PKP4: variants seen among roughly 807,000 people sequenced by gnomAD.
PKP4 encodes plakophilin-4.
In PKP4, 90 loss-of-function variants were observed where a neutral mutation model predicts 145.1. The observed-to-expected ratio is 0.62, with a 90% CI of 0.52 to 0.74. The LOEUF (loss-of-function observed/expected upper bound fraction) is 0.74. Among genes scored for constraint, PKP4 ranks in the 30% least tolerant of loss-of-function variants. The pLI, the probability that PKP4 is intolerant of heterozygous loss-of-function variation, is 0.00. For synonymous variants in PKP4, 563 were observed against 577.2 expected (o/e 0.98, Z 0.35); for missense variants, 1,340 against 1,482.7 (o/e 0.90, Z 1.58).
At chr2:158,661,220 C>A in intron 12 of PKP4, 113 bp from the exon 13 acceptor site, 2 of 725,268 alleles carry the variant, frequency 2.8e-6, no homozygotes, top group Non-Finnish European at 4.9e-6. Flanking sequence ...CCTCCTCCGA[C>A]CTCTAAGTGG....
At chr2:158,619,223 A>G in intron 4 of PKP4, among the ~76,000 whole-genome samples, 1 of 152,260 alleles carries the variant, frequency 6.6e-6, no homozygotes, top group Non-Finnish European at 1.5e-5. Context: ...TCATGATAGA[A>G]GATGTACAAG....
chr2:158,565,478 A>C (rs2046896187), intron 2 of PKP4, among the ~76,000 whole-genome samples: 1 of 147,958 alleles, frequency 6.8e-6, no homozygotes, highest in African/African-American at 2.5e-5. Context: ...GATCTAACAC[A>C]AGTAAGAAGT....
intron 3 of PKP4, among the ~76,000 whole-genome samples, chr2:158,597,114 T>C (rs1463387275): frequency 6.6e-6 from 1 of 152,198 alleles, no homozygotes; most frequent in African/African-American, 2.4e-5. Context: ...TCCTCTCTTG[T>C]AGAATGCTCT....
intron 8 of PKP4, among the ~76,000 whole-genome samples, chr2:158,633,602 A>G (rs377239942): frequency 5.3e-4 from 80 of 152,370 alleles, no homozygotes; most frequent in African/African-American, 1.7e-3. Flanking sequence ...AACTGAAACC[A>G]TGGAAAGCAA....
intron 2 of PKP4, among the ~76,000 whole-genome samples, chr2:158,563,066 A>C (rs191883766): frequency 6.6e-6 from 1 of 152,302 alleles, no homozygotes; most frequent in Admixed American, 6.5e-5. Flanking sequence ...ATACAGTAGA[A>C]TCTATTAAAG....
At position 158,593,891 on chromosome 2, in the gene PKP4, A is replaced by G. The variant is rs887841572; in HGVS notation, c.246-9179A>G. 3.3e-5 allele frequency among the ~76,000 whole-genome samples: 5 copies of G among 152,334 alleles called. No individual in the cohort carries two copies. In the East Asian group the frequency reaches 9.6e-4, roughly 29 times the overall value. On this transcript the variant is annotated intron_variant, in intron 3 of 21. Transcript: ENST00000389759. ...TGTTCACCACAGTAGCTGGGCATAC[A>G]TTTTACTCAAACTTGCTAGCAGCCA...
Position 158,543,860 on chromosome 2 carries a change from T to C in PKP4, c.132+10544T>C, listed in dbSNP as rs149362690. On this transcript the variant is annotated intron_variant, in intron 2 of 21. Coordinates refer to ENST00000389759, the MANE Select transcript of PKP4 (RefSeq NM_003628.6). Reference sequence around the variant, plus strand: ...TTACCCAGAAAAGCAAGGTAGAATTTTGTTGTTAGAATAATAATTAGTGTT... The same window carrying C: ...TTACCCAGAAAAGCAAGGTAGAATTCTGTTGTTAGAATAATAATTAGTGTT... Among the ~76,000 whole-genome samples, 67 of 152,208 alleles carry C rather than the reference T, an allele frequency of 4.4e-4. 1 individual carries two copies. Among genetic ancestry groups the C allele is most frequent in the African/African-American group, 1.4e-3 (60 of 41,532 alleles).
chr2:158,657,647 G>A (rs1166780978), intron 11 of PKP4, among the ~76,000 whole-genome samples: 1 of 152,182 alleles, frequency 6.6e-6, no homozygotes, highest in African/African-American at 2.4e-5. Context: ...AGAAAAGGAA[G>A]CAGATGAAGA....
At chr2:158,516,830 T>A (rs2041977558) in intron 1 of PKP4, among the ~76,000 whole-genome samples, 1 of 151,882 alleles carries the variant, frequency 6.6e-6, no homozygotes, top group African/African-American at 2.4e-5. Context: ...CCTGGCTAAT[T>A]TTTTGTATTT....
chr2:158,662,540 G>C (rs181138506), intron 13 of PKP4: 2 of 168,562 alleles, frequency 1.2e-5, no homozygotes, highest in Admixed American at 1.2e-4. Context: ...GGAGGGAGTT[G>C]GGGCATCTGT....
At chr2:158,600,923 G>A (rs1217982623) in intron 3 of PKP4, among the ~76,000 whole-genome samples, 5 of 152,092 alleles carry the variant, frequency 3.3e-5, no homozygotes, top group Non-Finnish European at 7.4e-5. Flanking sequence ...GTAACCAAAG[G>A]TCCTTTCAGC....
chr2:158,625,271 G>T lies in PKP4; in HGVS notation c.997G>T (p.Val333Leu). 1.2e-6 allele frequency: 2 copies of T among 1,614,170 alleles called. No homozygotes were observed. Among genetic ancestry groups the T allele is most frequent in the African/African-American group, 1.3e-5 (1 of 75,040 alleles). The change falls in exon 7 of 22, where the codon GTG becomes TTG. Residue 333 changes from valine to leucine, a missense_variant. Coordinates refer to ENST00000389759, the MANE Select transcript of PKP4 (RefSeq NM_003628.6). ...TRVASPSQGQ[V>L]GSSSPKRSGM... Reference sequence around the variant, plus strand: ...AGTAGCTTCCCCATCCCAAGGCCAGGTGGGGTCGTCGTCCCCCAAACGCTC... The same window carrying T: ...AGTAGCTTCCCCATCCCAAGGCCAGTTGGGGTCGTCGTCCCCCAAACGCTC...
chr2:158,655,023 ATC>A (rs2055777332), intron 11 of PKP4, among the ~76,000 whole-genome samples: 1 of 152,170 alleles, frequency 6.6e-6, no homozygotes, highest in Non-Finnish European at 1.5e-5. Flanking sequence ...TTAAAAAAAA[ATC>A]AACATGTAGA....
chr2:158,581,027 C>T (rs1189537307), intron 3 of PKP4, among the ~76,000 whole-genome samples: 1 of 152,186 alleles, frequency 6.6e-6, no homozygotes, highest in Non-Finnish European at 1.5e-5. Context: ...AACCTTAAGT[C>T]CAGGATGCTT....
intron 1 of PKP4, among the ~76,000 whole-genome samples, chr2:158,520,034 C>G (rs1436845470): frequency 6.6e-6 from 1 of 151,920 alleles, no homozygotes; most frequent in East Asian, 1.9e-4. Flanking sequence ...TTCCTTTTTT[C>G]CTTCTTTCCT....
intron 1 of PKP4, among the ~76,000 whole-genome samples, chr2:158,487,572 TG>T (rs1463440308): frequency 6.6e-6 from 1 of 152,208 alleles, no homozygotes; most frequent in African/African-American, 2.4e-5. Flanking sequence ...AGTTTTGGTT[TG>T]TTCAAGTAAA....
intron 1 of PKP4, among the ~76,000 whole-genome samples, chr2:158,512,916 A>G (rs145615435): frequency 6.6e-6 from 1 of 152,322 alleles, no homozygotes; most frequent in East Asian, 1.9e-4. Flanking sequence ...GGATCAGGTG[A>G]CTGTTGCCAT....
At chr2:158,610,084 C>T (rs921487117) in intron 4 of PKP4, among the ~76,000 whole-genome samples, 2 of 152,010 alleles carry the variant, frequency 1.3e-5, no homozygotes, top group African/African-American at 2.4e-5. Context: ...TATTCTGTAC[C>T]CTCTAGCTTA....
chr2:158,498,570 A>T (rs1696090335), intron 1 of PKP4, among the ~76,000 whole-genome samples: 1 of 152,200 alleles, frequency 6.6e-6, no homozygotes, highest in Non-Finnish European at 1.5e-5. Context: ...TTCCTTTTGT[A>T]GTAGTGATGA....
Sources: gnomAD v4.1 joint callset for allele counts (sites outside exome capture counted in the v4.1 genomes callset) on GRCh38, gnomAD v4.1.1 for gene constraint, MANE v1.5 for transcripts, NCBI Gene and HGNC (gene_info 2026-07-23, HGNC 2026-07-21) for gene names.